Variants in VOPP1 observed in about 807,000 individuals in gnomAD.
VOPP1 encodes WW domain binding protein VOPP1.
In VOPP1, 8 loss-of-function variants were observed where a neutral mutation model predicts 23.5. That is an observed-to-expected ratio of 0.34 (90% confidence interval 0.20 to 0.61). The LOEUF (loss-of-function observed/expected upper bound fraction) is 0.61. Ranked by LOEUF, VOPP1 falls within the 20% of genes least tolerant of loss-of-function variation. VOPP1 has a pLI of 0.78. For synonymous variants in VOPP1, 83 were observed against 97.3 expected (o/e 0.85, Z 0.86); for missense variants, 174 against 238.1 (o/e 0.73, Z 1.77).
chr7:55,438,819 G>A (rs546262554), intron 4 of VOPP1, among the ~76,000 whole-genome samples: 1 of 152,332 alleles, frequency 6.6e-6, no homozygotes, highest in African/African-American at 2.4e-5. Flanking sequence ...CAGCGGGTCT[G>A]GGAGGGAAAC....
At chr7:55,514,415 C>T (rs1795273275) in intron 2 of VOPP1, among the ~76,000 whole-genome samples, 1 of 152,186 alleles carries the variant, frequency 6.6e-6, no homozygotes, top group Admixed American at 6.5e-5. Context: ...GATGGCATAG[C>T]AGGTCTAGAG....
intron 4 of VOPP1, among the ~76,000 whole-genome samples, chr7:55,482,972 T>G (rs1057127048): frequency 6.6e-6 from 1 of 152,214 alleles, no homozygotes; most frequent in African/African-American, 2.4e-5. Flanking sequence ...AGAATTCCAG[T>G]GCATTACACA....
intron 1 of VOPP1, among the ~76,000 whole-genome samples, chr7:55,524,826 G>A (rs959115656): frequency 2.0e-5 from 3 of 152,128 alleles, no homozygotes; most frequent in East Asian, 3.9e-4. Flanking sequence ...CTGCCAAGTC[G>A]AAGTCTGATG....
At chr7:55,492,531 A>G (rs74451584) in intron 3 of VOPP1, 113 bp from the exon 4 acceptor site, 17,959 of 1,268,810 alleles carry the variant, frequency 0.014, 151 homozygotes, top group Middle Eastern at 0.023. Context: ...AATGACTCCC[A>G]AATGCACGAG....
chr7:55,443,857 G>A (rs1191411319), intron 4 of VOPP1, among the ~76,000 whole-genome samples: 1 of 152,034 alleles, frequency 6.6e-6, no homozygotes, highest in Non-Finnish European at 1.5e-5. Context: ...TGCCCAGGCT[G>A]GTCTCAAACT....
chr7:55,506,184 A>T (rs2692609), intron 2 of VOPP1, among the ~76,000 whole-genome samples: 102,627 of 152,096 alleles, frequency 0.67, 35,016 homozygotes, highest in Admixed American at 0.74. Context: ...ACTGGTGCCC[A>T]GGGCATTCCT....
intron 1 of VOPP1, among the ~76,000 whole-genome samples, chr7:55,557,812 A>C (rs1797860043): frequency 6.6e-6 from 1 of 152,264 alleles, no homozygotes; most frequent in African/African-American, 2.4e-5. Flanking sequence ...TGGAAGGTGG[A>C]GCAAATGAGA....
At chr7:55,452,095 C>T (rs1791259917) in intron 4 of VOPP1, among the ~76,000 whole-genome samples, 1 of 152,164 alleles carries the variant, frequency 6.6e-6, no homozygotes, top group Non-Finnish European at 1.5e-5. Context: ...CAAACCCTGC[C>T]ACTACTTTAC....
intron 4 of VOPP1, among the ~76,000 whole-genome samples, chr7:55,444,332 G>A (rs545204332): frequency 1.6e-4 from 25 of 152,256 alleles, no homozygotes; most frequent in African/African-American, 4.1e-4. Flanking sequence ...CGCATTCTAA[G>A]AGTCCAGGAA....
intron 4 of VOPP1, among the ~76,000 whole-genome samples, chr7:55,491,146 T>C (rs998749284): frequency 6.6e-5 from 10 of 152,216 alleles, no homozygotes; most frequent in Admixed American, 1.3e-4. Context: ...CAGAAAACCA[T>C]AGCCATGCTC....
chr7:55,561,836 C>G (rs375649154), intron 1 of VOPP1: 1 of 642,252 alleles, frequency 1.6e-6, no homozygotes, highest in Non-Finnish European at 2.8e-6. Flanking sequence ...TTGCCCAAGT[C>G]GGGGACTTAA....
At chr7:55,534,992 C>T (rs1013751792) in intron 1 of VOPP1, among the ~76,000 whole-genome samples, 5 of 152,230 alleles carry the variant, frequency 3.3e-5, no homozygotes. Context: ...AAGAGGAGAA[C>T]AGGAAGACAC....
intron 2 of VOPP1, among the ~76,000 whole-genome samples, chr7:55,498,484 C>A (rs957621520): frequency 3.9e-5 from 6 of 152,110 alleles, no homozygotes; most frequent in Admixed American, 1.3e-4. Context: ...ACATCCCTGC[C>A]CTGCCCCAAC....
At chr7:55,473,130 C>A in intron 4 of VOPP1, 85 bp from the exon 5 acceptor site, 1 of 1,517,790 alleles carries the variant, frequency 6.6e-7, no homozygotes, top group Non-Finnish European at 8.8e-7. Context: ...GCCAGCAGAC[C>A]ACGCCCCGTC....
Position 55,486,493 on chromosome 7 carries a change from T to C in VOPP1, c.328+5789A>G, listed in dbSNP as rs367867482. ...TGGAAAGAGAAGTGCCGCGTAAGAA[T>C]AACGGAGACAGAGACAGAATGTCAG... is the stretch of plus-strand genomic sequence containing the variant. On this transcript the variant is annotated intron_variant, in intron 4 of 4. Transcript: ENST00000285279. 5.9e-5 allele frequency among the ~76,000 whole-genome samples: 9 copies of C among 151,968 alleles called. No homozygotes were observed. In the South Asian group the frequency reaches 6.2e-4, roughly 11 times the overall value.
intron 4 of VOPP1, among the ~76,000 whole-genome samples, chr7:55,465,320 CCTT>C (rs1205578429): frequency 6.6e-6 from 1 of 152,208 alleles, no homozygotes; most frequent in Non-Finnish European, 1.5e-5. Context: ...TAAGGTTTCT[CCTT>C]CTATCTCTGA....
At chr7:55,499,497 C>T (rs1265328665) in intron 2 of VOPP1, among the ~76,000 whole-genome samples, 3 of 152,188 alleles carry the variant, frequency 2.0e-5, no homozygotes, top group Non-Finnish European at 4.4e-5. Flanking sequence ...CAGGGAAAAC[C>T]CAGAGGAAAC....
chr7:55,484,186 G>C (rs892906318), intron 4 of VOPP1, among the ~76,000 whole-genome samples: 1 of 152,090 alleles, frequency 6.6e-6, no homozygotes, highest in African/African-American at 2.4e-5. Context: ...CTGTTTCCCT[G>C]ACCTCCCCCA....
chr7:55,473,481 C>T (rs1791998457), intron 4 of VOPP1, among the ~76,000 whole-genome samples: 1 of 152,200 alleles, frequency 6.6e-6, no homozygotes, highest in Non-Finnish European at 1.5e-5. Flanking sequence ...GCTAGTGTGC[C>T]CTCAGGGCAG....
Sources: allele counts gnomAD v4.1 joint callset (sites outside exome capture counted in the v4.1 genomes callset), GRCh38; gene constraint gnomAD v4.1.1; transcripts MANE v1.5; gene names NCBI Gene and HGNC (gene_info 2026-07-23, HGNC 2026-07-21).